The following ADGRV1 variants were observed in gnomAD, a reference collection of about 807,000 sequenced individuals.
ADGRV1 encodes the protein adhesion G protein-coupled receptor V1.
A neutral mutation model predicts 596.2 loss-of-function variants in ADGRV1; 359 were observed. The ratio of observed to expected loss-of-function variants is 0.60; its 90% confidence interval spans 0.55 to 0.66. The LOEUF (loss-of-function observed/expected upper bound fraction) is 0.66, where lower values mean the gene tolerates loss of function less well. ADGRV1 is among the 30% of genes least tolerant of loss of function. The pLI, the probability that ADGRV1 is intolerant of heterozygous loss-of-function variation, is 0.00. For missense variants in ADGRV1, 7,274 were observed against 7,575.6 expected (o/e 0.96, Z 1.48); for synonymous variants, 2,681 against 2,679.2 (o/e 1.00, Z -0.02).
intron 87 of ADGRV1, among the ~76,000 whole-genome samples, chr5:91,114,776 AGCAGCT>A (rs2126713819): frequency 6.6e-6 from 1 of 152,208 alleles, no homozygotes; most frequent in East Asian, 1.9e-4. Context: ...TTAGCTTCTG[AGCAGCT>A]GCTTTCTGCT....
At chr5:90,623,863 A>G (rs1764403704) in intron 5 of ADGRV1, among the ~76,000 whole-genome samples, 1 of 152,174 alleles carries the variant, frequency 6.6e-6, no homozygotes, top group South Asian at 2.1e-4. Flanking sequence ...TAATCATTTT[A>G]TTTGATTGCT....
intron 83 of ADGRV1, among the ~76,000 whole-genome samples, chr5:90,886,060 C>T (rs1770250531): frequency 6.6e-6 from 1 of 152,134 alleles, no homozygotes; most frequent in Admixed American, 6.6e-5. Context: ...ACTTAGAAGG[C>T]ACCAATGATC....
intron 85 of ADGRV1, among the ~76,000 whole-genome samples, chr5:91,021,843 A>C (rs1465765609): frequency 6.6e-6 from 1 of 152,100 alleles, no homozygotes; most frequent in Admixed American, 6.6e-5. Context: ...TAATGTCTGC[A>C]TCTAGAACAG....
chr5:90,993,189 T>C lies in ADGRV1; in HGVS notation c.18152+7667T>C, dbSNP rs191676399. On this transcript the variant is annotated intron_variant, in intron 85 of 89. Transcript: ENST00000405460. The stretch of plus-strand genomic sequence containing the variant: ...TTTTTTTTTTTTTTTGACGGAGGCT[T>C]GCTCTGTCGCCCAGGCTGGAGTGCA... Among the ~76,000 whole-genome samples, 572 of 147,912 alleles carry C rather than the reference T, an allele frequency of 3.9e-3. 4 individuals carry two copies. Among genetic ancestry groups the C allele is most frequent in the African/African-American group, 0.013 (524 of 39,986 alleles).
intron 7 of ADGRV1, 148 bp from the exon 8 acceptor site, chr5:90,628,410 TCAAA>T (rs1317260907): frequency 5.0e-5 from 35 of 694,568 alleles, no homozygotes; most frequent in Non-Finnish European, 2.4e-5. Flanking sequence ...TGACCCAGTC[TCAAA>T]CAAACAAAAA....
chr5:90,629,349 A>T lies in ADGRV1; in HGVS notation c.1649A>T (p.Asp550Val). ...SFTRLGGTKG[D>V]VRLLYSVLYI... ...ACAAGACTAGGAGGGACTAAAGGAG[A>T]TGTGAGGTTGCTTTATTCTGTACTT... Residue 550 changes from aspartate to valine, a missense_variant, in exon 9 of 90, where the codon GAT becomes GTT. By Grantham distance (152) the Asp-to-Val change is radical. Around this residue, in one of 5 missense-constraint regions of ADGRV1, gnomAD observed 1,715 missense variants for 1,708.8 expected, o/e 1.00. Transcript: ENST00000405460. 6.2e-7 allele frequency: 1 copy of T among 1,613,594 alleles called. No homozygotes were observed. The highest frequency in any genetic ancestry group is 8.5e-7 in the Non-Finnish European group (1 of 1,179,810).
At chr5:90,742,689 G>A (rs1049668968) in intron 50 of ADGRV1, among the ~76,000 whole-genome samples, 3 of 152,116 alleles carry the variant, frequency 2.0e-5, no homozygotes, top group Non-Finnish European at 4.4e-5. Context: ...TAGAAGAGAA[G>A]ATGTCTGAGA....
chr5:90,802,774 A>G lies in ADGRV1; in HGVS notation c.14553A>G (p.Gln4851=), dbSNP rs765459820. The stretch of plus-strand genomic sequence containing the variant: ...CACTGGGCTCTAATTTCACTTTGCA[A>G]CTGGTGACTGTGATGCTTGTCGGTG... ...FLSLGSNFTL[Q]LVTVMLVGGR... is the part of the protein sequence containing the mutation. The change falls in exon 71 of 90, where the codon CAA becomes CAG. Residue 4851 remains glutamine, a synonymous_variant. Transcript: ENST00000405460. 6.2e-6 allele frequency: 10 copies of G among 1,612,864 alleles called. No homozygotes were observed. Among genetic ancestry groups the G allele is most frequent in the Admixed American group, 5.0e-5 (3 of 59,896 alleles).
Position 90,810,465 on chromosome 5 carries a change from C to A in ADGRV1, c.15205C>A (p.Gln5069Lys), listed in dbSNP as rs1581195557. 2 of 1,613,824 alleles carry A rather than the reference C, an allele frequency of 1.2e-6. No individual in the cohort carries two copies. Among genetic ancestry groups the A allele is most frequent in the East Asian group, 2.2e-5 (1 of 44,884 alleles). ...QNGELFFQKF[Q>K]TEVDFEITII... ...TGGGGAACTGTTTTTTCAAAAATTC[C>A]AAACTGAGGTTGATTTTGAAATAAC... Residue 5069 changes from glutamine (Q) to lysine (K), a missense_variant, in exon 74 of 90, where the codon CAA becomes AAA. Around this residue, in one of 5 missense-constraint regions of ADGRV1, gnomAD observed 1,874 missense variants for 1,970.2 expected, o/e 0.95. Transcript: ENST00000405460.
intron 89 of ADGRV1, among the ~76,000 whole-genome samples, chr5:91,157,824 G>C (rs919199909): frequency 6.6e-6 from 1 of 152,160 alleles, no homozygotes; most frequent in African/African-American, 2.4e-5. Context: ...CCTTAAAGCT[G>C]TCCTTCCCAT....
At chr5:90,746,152 G>A (rs1754602836) in intron 52 of ADGRV1, among the ~76,000 whole-genome samples, 1 of 147,874 alleles carries the variant, frequency 6.8e-6, no homozygotes, top group Non-Finnish European at 1.5e-5. Context: ...AATATATACT[G>A]TGTGATATAC....
chr5:90,734,230 G>GGAGTGC (rs1395621289), intron 50 of ADGRV1, among the ~76,000 whole-genome samples: 1 of 152,108 alleles, frequency 6.6e-6, no homozygotes, highest in Non-Finnish European at 1.5e-5. Flanking sequence ...AATGAACATG[G>GGAGTGC]GAGTGCAGAT....
intron 17 of ADGRV1, among the ~76,000 whole-genome samples, chr5:90,651,088 C>T (rs1768546377): frequency 6.6e-6 from 1 of 152,126 alleles, no homozygotes; most frequent in Non-Finnish European, 1.5e-5. Context: ...CTATGTACAA[C>T]CAGATCAAAC....
intron 85 of ADGRV1, among the ~76,000 whole-genome samples, chr5:91,037,309 A>T (rs1784992227): frequency 6.6e-6 from 1 of 152,222 alleles, no homozygotes; most frequent in South Asian, 2.1e-4. Context: ...GCTGTAGAGG[A>T]AAGCAACTGT....
At chr5:91,015,841 T>A (rs1335664423) in intron 85 of ADGRV1, among the ~76,000 whole-genome samples, 1 of 152,066 alleles carries the variant, frequency 6.6e-6, no homozygotes, top group Non-Finnish European at 1.5e-5. Flanking sequence ...CTGTGCCTTT[T>A]AAATGGGGCA....
intron 77 of ADGRV1, among the ~76,000 whole-genome samples, chr5:90,832,307 G>T (rs939962164): frequency 2.0e-5 from 3 of 152,048 alleles, no homozygotes; most frequent in African/African-American, 7.2e-5. Flanking sequence ...ATTGAGGTGA[G>T]ATTATATTTC....
chr5:91,152,235 G>A (rs923888550), intron 88 of ADGRV1, among the ~76,000 whole-genome samples: 14 of 152,170 alleles, frequency 9.2e-5, no homozygotes, highest in African/African-American at 3.4e-4. Context: ...GAAGGATTAA[G>A]GGGTTGTTTA....
chr5:90,627,787 T>A lies in ADGRV1; in HGVS notation c.1238+11T>A. On this transcript the variant is annotated intron_variant, in intron 7 of 89. Transcript: ENST00000405460. Reference sequence around the variant, plus strand: ...AGATAGAATATCAAGGTATGATTTATTTTAAATATATTGCTACCATTATTT... The same window carrying A: ...AGATAGAATATCAAGGTATGATTTAATTTAAATATATTGCTACCATTATTT... The A allele has an allele frequency of 7.1e-7, 1 of 1,402,354 alleles. No homozygotes were observed. The highest frequency in any genetic ancestry group is 1.4e-5 in the African/African-American group (1 of 69,200). 86.9% of individuals were successfully genotyped at this position (1,402,354 alleles called of 1,614,324 possible).
At position 90,759,442 on chromosome 5, in the gene ADGRV1, G is replaced by A. The variant is rs201386977; in HGVS notation, c.11974G>A (p.Asp3992Asn). 1.3e-3 allele frequency: 2,062 copies of A among 1,578,446 alleles called. 5 individuals are homozygous for A. Among genetic ancestry groups the A allele is most frequent in the Middle Eastern group, 4.0e-3 (24 of 6,024 alleles). Residue 3992 changes from aspartate to asparagine, a missense_variant, in exon 58 of 90, where the codon GAT (aspartate) becomes AAT (asparagine). Transcript: ENST00000405460. ...TAMIEITIIDDAEFELTETFN... is the reference protein window; with the variant it reads ...TAMIEITIIDNAEFELTETFN... ...AATGATAGAAATCACCATAATTGATGATGCTGAATTTGAATTGACAGAGAC... is the reference window on the plus strand; with the variant it reads ...AATGATAGAAATCACCATAATTGATAATGCTGAATTTGAATTGACAGAGAC...
Sources: allele counts gnomAD v4.1 joint callset (sites outside exome capture counted in the v4.1 genomes callset), GRCh38; gene constraint gnomAD v4.1.1; regional missense constraint gnomAD v4.1.1; transcripts MANE v1.5; gene names NCBI Gene and HGNC (gene_info 2026-07-23, HGNC 2026-07-21).